Variants in GRID2 observed in about 807,000 individuals in gnomAD.
GRID2 encodes the protein glutamate receptor ionotropic, delta-2.
GRID2 carries 33 observed loss-of-function variants against 114.8 expected under a neutral mutation model. The observed-to-expected ratio is 0.29, with a 90% CI of 0.22 to 0.38. The LOEUF (loss-of-function observed/expected upper bound fraction) is 0.38. GRID2 is among the 10% of genes least tolerant of loss of function. GRID2 has a pLI of 1.00. For synonymous variants in GRID2, 505 were observed against 449.9 expected (o/e 1.12, Z -1.55); for missense variants, 1,184 against 1,257.7 (o/e 0.94, Z 0.89).
At chr4:92,513,909 G>A (rs1383802123) in intron 1 of GRID2, among the ~76,000 whole-genome samples, 3 of 151,748 alleles carry the variant, frequency 2.0e-5, no homozygotes, top group Non-Finnish European at 4.4e-5. Context: ...CATAGAACTT[G>A]GTTACCAGTT....
chr4:93,748,377 G>A (rs1160129176), intron 14 of GRID2, among the ~76,000 whole-genome samples: 1 of 152,084 alleles, frequency 6.6e-6, no homozygotes, highest in Non-Finnish European at 1.5e-5. Flanking sequence ...CCAGTAGACA[G>A]TAATATCAAT....
chr4:92,953,335 T>C (rs1752159674), intron 2 of GRID2, among the ~76,000 whole-genome samples: 1 of 152,198 alleles, frequency 6.6e-6, no homozygotes, highest in Non-Finnish European at 1.5e-5. Context: ...GTTTTCATTA[T>C]AAAGATTACA....
At chr4:92,925,062 A>G (rs945376361) in intron 2 of GRID2, among the ~76,000 whole-genome samples, 10 of 152,140 alleles carry the variant, frequency 6.6e-5, no homozygotes, top group African/African-American at 2.2e-4. Context: ...AGGGTCCAGA[A>G]TAAAATAACA....
intron 8 of GRID2, among the ~76,000 whole-genome samples, chr4:93,287,395 G>C (rs369958745): frequency 4.6e-5 from 7 of 152,258 alleles, no homozygotes; most frequent in African/African-American, 1.7e-4. Context: ...GTAGAAAGTT[G>C]CAGAGGAAAG....
intron 1 of GRID2, among the ~76,000 whole-genome samples, chr4:92,525,495 G>T (rs1279147857): frequency 6.6e-6 from 1 of 152,032 alleles, no homozygotes; most frequent in Non-Finnish European, 1.5e-5. Flanking sequence ...TGTCAGGAAA[G>T]TAGTCAAATA....
intron 1 of GRID2, among the ~76,000 whole-genome samples, chr4:92,391,896 T>C (rs183241606): frequency 6.6e-6 from 1 of 152,172 alleles, no homozygotes; most frequent in African/African-American, 2.4e-5. Context: ...GTGAAAAGAC[T>C]CCCACACTGG....
intron 2 of GRID2, among the ~76,000 whole-genome samples, chr4:92,844,346 C>G (rs1437738334): frequency 6.6e-6 from 1 of 151,932 alleles, no homozygotes; most frequent in Admixed American, 6.6e-5. Flanking sequence ...TGAGACCAGC[C>G]TGAACCACAT....
At chr4:93,562,064 C>T (rs1032556158) in intron 13 of GRID2, among the ~76,000 whole-genome samples, 7 of 152,076 alleles carry the variant, frequency 4.6e-5, no homozygotes, top group Admixed American at 2.6e-4. Flanking sequence ...ATTGCTGAAT[C>T]ATATGGTAAC....
At chr4:92,612,765 T>A (rs1729817549) in intron 2 of GRID2, among the ~76,000 whole-genome samples, 1 of 151,474 alleles carries the variant, frequency 6.6e-6, no homozygotes, top group African/African-American at 2.4e-5. Flanking sequence ...ACTCTATTTT[T>A]TGTATTTTGA....
intron 10 of GRID2, among the ~76,000 whole-genome samples, chr4:93,432,036 C>T (rs754695718): frequency 6.6e-6 from 1 of 152,042 alleles, no homozygotes; most frequent in East Asian, 1.9e-4. Flanking sequence ...TTGGAGATTA[C>T]GTATGTTGAC....
At chr4:93,613,389 T>C (rs1741186953) in intron 13 of GRID2, among the ~76,000 whole-genome samples, 1 of 135,448 alleles carries the variant, frequency 7.4e-6, no homozygotes, top group Non-Finnish European at 1.6e-5. Flanking sequence ...AGAGGCGCTC[T>C]GCGTTTTAGA....
chr4:92,573,885 G>A (rs1017847589), intron 1 of GRID2, among the ~76,000 whole-genome samples: 1 of 151,662 alleles, frequency 6.6e-6, no homozygotes, highest in African/African-American at 2.4e-5. Context: ...CTGTCTCAAT[G>A]ATCTAGTATT....
chr4:93,071,797 T>C (rs1207310498), intron 2 of GRID2, among the ~76,000 whole-genome samples: 1 of 152,176 alleles, frequency 6.6e-6, no homozygotes, highest in Non-Finnish European at 1.5e-5. Flanking sequence ...CATGAAGAGT[T>C]ATGATTTTTC....
At chr4:93,497,211 T>C (rs2149468651) in intron 12 of GRID2, among the ~76,000 whole-genome samples, 1 of 151,942 alleles carries the variant, frequency 6.6e-6, no homozygotes, top group East Asian at 1.9e-4. Context: ...TTTTGCCTAT[T>C]TTCTAATTGG....
At chr4:92,338,600 T>C (rs188928027) in intron 1 of GRID2, among the ~76,000 whole-genome samples, 20 of 152,170 alleles carry the variant, frequency 1.3e-4, no homozygotes, top group African/African-American at 4.3e-4. Context: ...ATTAAATTCA[T>C]GATACAAAAA....
intron 9 of GRID2, among the ~76,000 whole-genome samples, chr4:93,412,106 C>T (rs184752261): frequency 3.3e-4 from 50 of 151,424 alleles, no homozygotes; most frequent in Middle Eastern, 3.4e-3. Context: ...CTGTGTCATA[C>T]AGATAGACTT....
At chr4:92,641,952 A>G (rs574634966) in intron 2 of GRID2, among the ~76,000 whole-genome samples, 11 of 150,750 alleles carry the variant, frequency 7.3e-5, no homozygotes, top group African/African-American at 2.7e-4. Context: ...GTTTGCCACA[A>G]ATGGCATTAT....
At chr4:92,414,121 C>A (rs904077554) in intron 1 of GRID2, among the ~76,000 whole-genome samples, 2 of 152,132 alleles carry the variant, frequency 1.3e-5, no homozygotes. Flanking sequence ...AGTTTGTAGA[C>A]TGGAAATGAT....
intron 8 of GRID2, among the ~76,000 whole-genome samples, chr4:93,254,272 G>A (rs1749319920): frequency 6.6e-6 from 1 of 151,962 alleles, no homozygotes; most frequent in Non-Finnish European, 1.5e-5. Context: ...TCTGGATTTT[G>A]AAAAATAATC....
Sources: allele counts gnomAD v4.1 joint callset (sites outside exome capture counted in the v4.1 genomes callset), GRCh38; gene constraint gnomAD v4.1.1; transcripts MANE v1.5; gene names NCBI Gene and HGNC (gene_info 2026-07-23, HGNC 2026-07-21).